FRY: variants seen among roughly 807,000 people sequenced by gnomAD.
FRY encodes protein furry homolog.
FRY carries 128 observed loss-of-function variants against 348.4 expected under a neutral mutation model. The observed-to-expected ratio is 0.37, with a 90% confidence interval of 0.32 to 0.43. The LOEUF is 0.43. FRY is among the 20% of genes least tolerant of loss of function. The pLI, the probability that FRY is intolerant of heterozygous loss-of-function variation, is 1.00. For missense variants in FRY, 2,736 were observed against 3,695.2 expected (o/e 0.74, Z 6.73); for synonymous variants, 1,370 against 1,374.7 (o/e 1.00, Z 0.08).
intron 29 of FRY, among the ~76,000 whole-genome samples, chr13:32,200,565 C>G (rs574048403): frequency 6.6e-6 from 1 of 152,138 alleles, no homozygotes; most frequent in East Asian, 1.9e-4. Context: ...CCAGCCTGGG[C>G]AACAGTGAGA....
At chr13:32,188,521 C>G (rs888720513) in intron 28 of FRY, among the ~76,000 whole-genome samples, 4 of 152,054 alleles carry the variant, frequency 2.6e-5, no homozygotes, top group African/African-American at 9.7e-5. Context: ...GTAAAGTTCT[C>G]CCAGGTATTT....
At chr13:32,226,963 T>A (rs375292438) in intron 39 of FRY, among the ~76,000 whole-genome samples, 172 of 152,372 alleles carry the variant, frequency 1.1e-3, no homozygotes, top group African/African-American at 4.1e-3. Flanking sequence ...TTGCTGTAGA[T>A]GTTTAAACTG....
At chr13:32,132,078 C>A (rs1339244630) in intron 8 of FRY, among the ~76,000 whole-genome samples, 2 of 152,040 alleles carry the variant, frequency 1.3e-5, no homozygotes, top group Non-Finnish European at 2.9e-5. Context: ...TGTTTGCTGA[C>A]TTTTTTCTCT....
rs185109815 is a variant in FRY, at chr13:32,287,975, T to C, written c.8470-1658T>C. The C allele has an allele frequency of 2.2e-4, 86 of 384,972 alleles. No individual in the cohort carries two copies. In the Admixed American group the frequency reaches 3.1e-3, roughly 14 times the overall value. The allele number at this position is 384,972 out of a possible 1,614,324, so 23.8% of individuals were successfully genotyped here. Reference sequence around the variant, plus strand: ...ACCGTTACTGTTACATCTCTTAGCATGTTCTCCCTTTCTCATTTTAATTTA... The same window carrying C: ...ACCGTTACTGTTACATCTCTTAGCACGTTCTCCCTTTCTCATTTTAATTTA... On this transcript the variant is annotated intron_variant, in intron 58 of 60. Coordinates refer to ENST00000542859, the MANE Select transcript of FRY (RefSeq NM_023037.3).
At chr13:32,267,147 A>G (rs1195044677) in intron 54 of FRY, 23 bp from the exon 55 acceptor site, 3 of 1,602,960 alleles carry the variant, frequency 1.9e-6, no homozygotes, top group East Asian at 2.2e-5. Context: ...ACTTCTTGAC[A>G]TAGTCGTTTT....
At chr13:32,111,235 C>T (rs1358710601) in intron 3 of FRY, among the ~76,000 whole-genome samples, 3 of 152,110 alleles carry the variant, frequency 2.0e-5, no homozygotes, top group African/African-American at 7.2e-5. Context: ...CTCCTATAAT[C>T]CCAGCACTTT....
chr13:32,049,447 G>GTTTT (rs386378728), intron 1 of FRY, among the ~76,000 whole-genome samples: 16 of 151,938 alleles, frequency 1.1e-4, no homozygotes, highest in Non-Finnish European at 1.9e-4. Context: ...TTTTTTGTTT[G>GTTTT]TTTGTTTTTT....
intron 1 of FRY, among the ~76,000 whole-genome samples, chr13:32,049,496 A>G (rs1028083121): frequency 2.0e-5 from 3 of 152,070 alleles, no homozygotes; most frequent in Non-Finnish European, 4.4e-5. Context: ...GTGCAGTGGC[A>G]CGATCTCAGC....
intron 43 of FRY, among the ~76,000 whole-genome samples, chr13:32,236,572 GT>G (rs1886238317): frequency 1.3e-5 from 2 of 152,126 alleles, no homozygotes; most frequent in African/African-American, 4.8e-5. Flanking sequence ...CTTCTGAACT[GT>G]TGCCATAAAA....
At chr13:32,081,848 G>A (rs1875518768) in intron 2 of FRY, among the ~76,000 whole-genome samples, 1 of 152,190 alleles carries the variant, frequency 6.6e-6, no homozygotes, top group Non-Finnish European at 1.5e-5. Flanking sequence ...TTTGATGTAT[G>A]TAGAGTACAC....
At chr13:32,035,844 G>A (rs557205435) in intron 1 of FRY, among the ~76,000 whole-genome samples, 1 of 152,340 alleles carries the variant, frequency 6.6e-6, no homozygotes, top group East Asian at 1.9e-4. Context: ...GAAGGTGTTG[G>A]TGTGCATTGT....
At chr13:32,052,377 G>T (rs1314308965) in intron 1 of FRY, among the ~76,000 whole-genome samples, 1 of 152,146 alleles carries the variant, frequency 6.6e-6, no homozygotes, top group African/African-American at 2.4e-5. Flanking sequence ...TATTCCCTGT[G>T]TGTCTAAGTT....
intron 1 of FRY, among the ~76,000 whole-genome samples, chr13:32,075,292 A>G (rs1008039025): frequency 5.3e-5 from 8 of 152,170 alleles, no homozygotes; most frequent in Admixed American, 4.6e-4. Context: ...AGGTCATCAT[A>G]ATGAACATAA....
At chr13:32,129,640 G>A (rs1481420907) in intron 7 of FRY, among the ~76,000 whole-genome samples, 5 of 152,072 alleles carry the variant, frequency 3.3e-5, no homozygotes. Flanking sequence ...AATATTCTTA[G>A]CGATGCTAAT....
chr13:32,268,175 C>A (rs57945119), intron 55 of FRY, among the ~76,000 whole-genome samples: 5,212 of 152,268 alleles, frequency 0.034, 261 homozygotes, highest in African/African-American at 0.11. Context: ...AACATACTTA[C>A]AATGACTGCT....
In FRY at chr13:32,109,561, C is replaced by A. The variant is rs894171893; in HGVS notation, c.324+7545C>A. Among the ~76,000 whole-genome samples the A allele has an allele frequency of 2.6e-5, 4 of 152,176 alleles. No homozygotes were observed. In the South Asian group the frequency reaches 8.3e-4, roughly 32 times the overall value. ...GGTATGCCAGGCAGCAGGGGTCTCACAGACAAAGGAGAAGTTGAAGGTGAA... is the reference window on the plus strand; with the variant it reads ...GGTATGCCAGGCAGCAGGGGTCTCAAAGACAAAGGAGAAGTTGAAGGTGAA... On this transcript the variant is annotated intron_variant, in intron 3 of 60. Coordinates refer to ENST00000542859, the MANE Select transcript of FRY (RefSeq NM_023037.3).
chr13:32,106,881 C>G (rs1372418651), intron 3 of FRY, among the ~76,000 whole-genome samples: 2 of 152,212 alleles, frequency 1.3e-5, no homozygotes, highest in East Asian at 3.8e-4. Context: ...TTCTGTACCT[C>G]TTTCTTTCCC....
chr13:32,296,168 T>C lies in FRY; in HGVS notation c.*708T>C, dbSNP rs1381247442. 2 of 152,712 alleles carry C rather than the reference T, an allele frequency of 1.3e-5. No individual in the cohort carries two copies. Among genetic ancestry groups the C allele is most frequent in the African/African-American group, 4.8e-5 (2 of 41,464 alleles). 9.5% of individuals were successfully genotyped at this position (152,712 alleles called of 1,614,324 possible). The stretch of plus-strand genomic sequence containing the variant: ...CACCAAAAATGGTCCAGATAGACTC[T>C]TTTTAAGGATCTTGGCTGCTTTTTA... On this transcript the variant is annotated 3_prime_UTR_variant, in exon 61 of 61. Transcript: ENST00000542859.
intron 2 of FRY, among the ~76,000 whole-genome samples, chr13:32,097,247 G>A (rs7325705): frequency 0.1 from 15,776 of 152,028 alleles, 910 homozygotes; most frequent in African/African-American, 0.13. Flanking sequence ...AGACCCACAG[G>A]TGTGCTGAGT....
Sources: allele counts gnomAD v4.1 joint callset (sites outside exome capture counted in the v4.1 genomes callset), GRCh38; gene constraint gnomAD v4.1.1; transcripts MANE v1.5; gene names NCBI Gene and HGNC (gene_info 2026-07-23, HGNC 2026-07-21).